The following YEATS2 variants were observed in gnomAD, a reference collection of about 807,000 sequenced individuals.
YEATS2 encodes YEATS domain containing 2.
In YEATS2, 77 loss-of-function variants were observed where a neutral mutation model predicts 163.2. That is an observed-to-expected ratio of 0.47 (90% CI 0.39 to 0.57). The LOEUF (loss-of-function observed/expected upper bound fraction) is 0.57. Among genes scored for constraint, YEATS2 ranks in the 20% least tolerant of loss-of-function variants. The pLI, the probability that YEATS2 is intolerant of heterozygous loss-of-function variation, is 0.00. For missense variants in YEATS2, 1,549 were observed against 1,729.8 expected (o/e 0.90, Z 1.85); for synonymous variants, 631 against 645.1 (o/e 0.98, Z 0.33).
At chr3:183,724,562 G>T in intron 6 of YEATS2, 31 bp downstream of exon 6, 2 of 1,505,038 alleles carry the variant, frequency 1.3e-6, no homozygotes, top group East Asian at 2.3e-5. Flanking sequence ...ATTTTTATTT[G>T]TCCATTTGTG....
intron 8 of YEATS2, among the ~76,000 whole-genome samples, chr3:183,746,363 T>G (rs1429487389): frequency 6.6e-6 from 1 of 152,216 alleles, no homozygotes; most frequent in Non-Finnish European, 1.5e-5. Context: ...CTCAGGCTGT[T>G]GATTTTTGAA....
chr3:183,776,028 G>C lies in YEATS2; in HGVS notation c.2482G>C (p.Gly828Arg). ...GGGGSTGGGG[G>R]TAGGGTQSTA... ...AGGCGGCAGCACAGGAGGAGGAGGA[G>C]GAACAGCAGGAGGAGGAACTCAAAG... The change falls in exon 18 of 31, where the codon GGA becomes CGA. Residue 828 changes from glycine (G) to arginine (R), a missense_variant. Gly to Arg is a moderately radical substitution (Grantham distance 125). Transcript: ENST00000305135. 1 of 1,611,522 alleles carries C rather than the reference G, an allele frequency of 6.2e-7. No individual in the cohort carries two copies. The highest frequency in any genetic ancestry group is 8.5e-7 in the Non-Finnish European group (1 of 1,178,218).
At position 183,777,617 on chromosome 3, in the gene YEATS2, A is replaced by G; in HGVS notation, c.2653A>G (p.Thr885Ala). 3 of 1,614,160 alleles carry G rather than the reference A, an allele frequency of 1.9e-6. No individual in the cohort carries two copies. The highest frequency in any genetic ancestry group is 2.5e-6 in the Non-Finnish European group (3 of 1,180,012). Residue 885 changes from threonine (T) to alanine (A), a missense_variant, in exon 19 of 31, where the codon ACA becomes GCA. Thr to Ala is a moderately conservative substitution (Grantham distance 58). Coordinates refer to ENST00000305135, the MANE Select transcript of YEATS2 (RefSeq NM_018023.5). ...CACCACTGGGTCAGTGGTCCAAGGA[A>G]CACTGGGAGTCAGCACATCTTCTGC... ...QLTTGSVVQG[T>A]LGVSTSSAQG...
At chr3:183,739,216 G>A (rs1173809829) in intron 8 of YEATS2, among the ~76,000 whole-genome samples, 2 of 151,812 alleles carry the variant, frequency 1.3e-5, no homozygotes, top group South Asian at 2.1e-4. Flanking sequence ...AAACCCCATC[G>A]TCTCAGCCCA....
At position 183,801,518 on chromosome 3, in the gene YEATS2, C is replaced by A; in HGVS notation, c.3492C>A (p.Ile1164=). The change falls in exon 25 of 31, where the codon ATC becomes ATA. Residue 1164 remains isoleucine, a synonymous_variant. Coordinates refer to ENST00000305135, the MANE Select transcript of YEATS2 (RefSeq NM_018023.5). Reference sequence around the variant, plus strand: ...CAGTAGTAAAGAAGATTCCATTAATCACTGCAAAAAGTAAGACAATTACAC... The same window carrying A: ...CAGTAGTAAAGAAGATTCCATTAATAACTGCAAAAAGTAAGACAATTACAC... ...LTAVVKKIPL[I]TAKSEDASCF... 1 of 1,609,114 alleles carries A rather than the reference C, an allele frequency of 6.2e-7. No individual in the cohort carries two copies. The highest frequency in any genetic ancestry group is 8.5e-7 in the Non-Finnish European group (1 of 1,177,414).
intron 21 of YEATS2, among the ~76,000 whole-genome samples, chr3:183,791,979 A>G (rs1724697927): frequency 1.3e-5 from 2 of 152,212 alleles, no homozygotes; most frequent in African/African-American, 2.4e-5. Flanking sequence ...TGAGTTTGTA[A>G]TATATCAGTG....
Position 183,800,502 on chromosome 3 carries a change from T to C in YEATS2, c.3362T>C (p.Leu1121Pro), listed in dbSNP as rs201973708. The C allele has an allele frequency of 4.9e-4, 785 of 1,613,996 alleles. No homozygotes were observed. Among genetic ancestry groups the C allele is most frequent in the Non-Finnish European group, 6.1e-4 (722 of 1,180,000 alleles). Reference sequence around the variant, plus strand: ...CCAGAAACACCTGGACCGAGTTGCCTCTCTCAGGAGGGTCAGACAGCAGTG... The same window carrying C: ...CCAGAAACACCTGGACCGAGTTGCCCCTCTCAGGAGGGTCAGACAGCAGTG... ...TEPETPGPSCLSQEGQTAVKT... is the reference protein window; with the variant it reads ...TEPETPGPSCPSQEGQTAVKT... Residue 1121 changes from leucine (L) to proline (P), a missense_variant, in exon 24 of 31, where the codon CTC becomes CCC. Physicochemically the swap from Leu to Pro is moderately conservative, Grantham distance 98 (BLOSUM62 -3). Coordinates refer to ENST00000305135, the MANE Select transcript of YEATS2 (RefSeq NM_018023.5).
Position 183,799,041 on chromosome 3 carries a change from T to C in YEATS2, c.3325+52T>C, listed in dbSNP as rs149015760. 324 of 1,391,446 alleles carry C rather than the reference T, an allele frequency of 2.3e-4. 2 individuals carry two copies. The East Asian group carries it at 5.4e-3, about 23-fold the overall frequency. 86.2% of individuals were successfully genotyped at this position (1,391,446 alleles called of 1,614,324 possible). A position where few individuals can be genotyped will look rare whatever the true frequency, so the allele number is the denominator to read the frequency against. On this transcript the variant is annotated intron_variant, in intron 23 of 30. Coordinates refer to ENST00000305135, the MANE Select transcript of YEATS2 (RefSeq NM_018023.5). ...TCCAGAAGTTTTGTTACTTTTTTAT[T>C]GTCGTTCACGTTCTCTCCTGATGTC...
chr3:183,738,508 C>T (rs1157909087), intron 8 of YEATS2, among the ~76,000 whole-genome samples: 2 of 137,110 alleles, frequency 1.5e-5, no homozygotes, highest in Admixed American at 7.7e-5. Context: ...CCCACTAACT[C>T]GTCATCTAGC....
Position 183,724,457 on chromosome 3 carries a change from G to A in YEATS2, c.576G>A (p.Gln192=), listed in dbSNP as rs750734501. ...TTACTGGCTCCCATAAAACAGAACA[G>A]CGGAATGCTGATCTCACAGATGAGA... ...SRITGSHKTE[Q]RNADLTDETS... The change falls in exon 6 of 31, where the codon CAG becomes CAA. Residue 192 remains glutamine, a synonymous_variant. Coordinates refer to ENST00000305135, the MANE Select transcript of YEATS2 (RefSeq NM_018023.5). 1.1e-5 allele frequency: 17 copies of A among 1,613,788 alleles called. No homozygotes were observed. The highest frequency in any genetic ancestry group is 1.4e-5 in the Non-Finnish European group (17 of 1,179,882).
rs144417049 is a variant in YEATS2 at position 183,773,864 on chromosome 3, G to A, written c.2368+70G>A. The A allele has an allele frequency of 3.0e-4, 444 of 1,499,126 alleles. 6 individuals are homozygous for A. In the East Asian group the frequency reaches 0.011, roughly 36 times the overall value. 92.9% of individuals were successfully genotyped at this position (1,499,126 alleles called of 1,614,324 possible). A position where few individuals can be genotyped will look rare whatever the true frequency, so the allele number is the denominator to read the frequency against. On this transcript the variant is annotated intron_variant, in intron 17 of 30. Transcript: ENST00000305135. ...ATGTGTGTTCATCTTGTCCATCTGA[G>A]GGCAGTTCTTACCTGTTTCAGGAAG...
chr3:183,758,952 C>T lies in YEATS2; in HGVS notation c.1643C>T (p.Thr548Ile). The change falls in exon 13 of 31, where the codon ACA becomes ATA. Residue 548 changes from threonine (T) to isoleucine (I), a missense_variant. Physicochemically the swap from Thr to Ile is moderately conservative, Grantham distance 89. Transcript: ENST00000305135. Reference sequence around the variant, plus strand: ...AAAATTCATGGAAGTAGTTTTGTAACATCTACTGTCAAGGTAACATTCTTA... The same window carrying T: ...AAAATTCATGGAAGTAGTTTTGTAATATCTACTGTCAAGGTAACATTCTTA... ...VPKIHGSSFVTSTVKQEDSLF... is the reference protein window; with the variant it reads ...VPKIHGSSFVISTVKQEDSLF... 6.4e-7 allele frequency: 1 copy of T among 1,571,490 alleles called. No homozygotes were observed. The highest frequency in any genetic ancestry group is 8.6e-7 in the Non-Finnish European group (1 of 1,159,614).
chr3:183,702,810 G>GACAACAAGA, intron 1 of YEATS2, among the ~76,000 whole-genome samples: 1 of 150,934 alleles, frequency 6.6e-6, no homozygotes, highest in Non-Finnish European at 1.5e-5. Context: ...CTCCATCCTG[G>GACAACAAGA]GCGACAGCAA....
At chr3:183,700,652 TC>T (rs1467175291) in intron 1 of YEATS2, among the ~76,000 whole-genome samples, 19 of 142,820 alleles carry the variant, frequency 1.3e-4, no homozygotes, top group Non-Finnish European at 1.8e-4. Flanking sequence ...AGGCCTGTAA[TC>T]CCAGCTGCTC....
intron 18 of YEATS2, among the ~76,000 whole-genome samples, chr3:183,776,618 T>C (rs1723026165): frequency 6.6e-6 from 1 of 152,104 alleles, no homozygotes; most frequent in South Asian, 2.1e-4. Context: ...TGAGAAAGAT[T>C]TTAGTAACTT....
intron 1 of YEATS2, among the ~76,000 whole-genome samples, chr3:183,701,797 G>A (rs1233398350): frequency 2.0e-5 from 3 of 151,978 alleles, no homozygotes; most frequent in South Asian, 2.1e-4. Context: ...CATAACAATC[G>A]CCAGTAGAAG....
At chr3:183,736,024 A>C (rs951218178) in intron 7 of YEATS2, among the ~76,000 whole-genome samples, 1 of 152,210 alleles carries the variant, frequency 6.6e-6, no homozygotes. Context: ...TTTCAGACAT[A>C]TATGGAAGTA....
rs1186634677 is a variant in YEATS2 at position 183,791,002 on chromosome 3, T to A, written c.3097+22T>A. The A allele has an allele frequency of 6.2e-6, 10 of 1,603,640 alleles. 1 individual carries two copies. The highest frequency in any genetic ancestry group is 6.8e-6 in the Non-Finnish European group (8 of 1,172,734). On this transcript the variant is annotated intron_variant, in intron 21 of 30. Coordinates refer to ENST00000305135, the MANE Select transcript of YEATS2 (RefSeq NM_018023.5). ...TCCGGTGAGTTGCATTGTGATATTA[T>A]TTCTCTCTCTTTTCTCTCATTGGGC...
At chr3:183,795,483 T>TTTAAA (rs146253574) in intron 21 of YEATS2, among the ~76,000 whole-genome samples, 3 of 123,946 alleles carry the variant, frequency 2.4e-5, no homozygotes, top group Non-Finnish European at 5.1e-5. Flanking sequence ...TTTTTTTTTT[T>TTTAAA]AGAGACGGGG....
Sources: gnomAD v4.1 joint callset for allele counts (sites outside exome capture counted in the v4.1 genomes callset) on GRCh38, gnomAD v4.1.1 for gene constraint, MANE v1.5 for transcripts, NCBI Gene and HGNC (gene_info 2026-07-23, HGNC 2026-07-21) for gene names.